The following C6orf141 variants were observed in gnomAD, a reference collection of about 807,000 sequenced individuals.
C6orf141 encodes the protein chromosome 6 open reading frame 141.
For missense variants in C6orf141, 361 were observed against 335.8 expected, an observed-to-expected ratio of 1.07 and a Z score of -0.59; for synonymous variants, 164 against 140.5, an observed-to-expected ratio of 1.17 and a Z score of -1.18.
chr6:49,557,894 T>G (rs1339612748), intron 4 of C6orf141, among the ~76,000 whole-genome samples: 2 of 152,060 alleles, frequency 1.3e-5, no homozygotes, highest in Non-Finnish European at 2.9e-5. Context: ...GTTTTTGTTT[T>G]TTGTTTGTTT....
At chr6:49,553,344 T>C (rs796790357), downstream of C6orf141, 126 of 152,370 alleles carry the variant, frequency 8.3e-4, no homozygotes, top group African/African-American at 2.9e-3. Flanking sequence ...CTTAGGCCTG[T>C]GAGACCCTCA....
chr6:49,558,177 A>G (rs1193257775), intron 4 of C6orf141, among the ~76,000 whole-genome samples: 1 of 150,886 alleles, frequency 6.6e-6, no homozygotes, highest in Non-Finnish European at 1.5e-5. Flanking sequence ...TGCTCGGATA[A>G]CAGGTGTGAG....
At chr6:49,556,976 A>G (rs2127299651), downstream of C6orf141, among the ~76,000 whole-genome samples, 1 of 152,292 alleles carries the variant, frequency 6.6e-6, no homozygotes, top group African/African-American at 2.4e-5. Flanking sequence ...ACAAGAGGCC[A>G]AGCACGGTGG....
intron 4 of C6orf141, among the ~76,000 whole-genome samples, chr6:49,559,296 AT>A (rs922915208): frequency 6.7e-6 from 1 of 148,192 alleles, no homozygotes; most frequent in African/African-American, 2.5e-5. Context: ...AAACCCAGTC[AT>A]AAAATTCTGG....
chr6:49,554,111 A>G (rs886281393), downstream of C6orf141, among the ~76,000 whole-genome samples: 2 of 152,170 alleles, frequency 1.3e-5, no homozygotes, highest in Admixed American at 6.5e-5. Flanking sequence ...CATCTTCTGT[A>G]GGGACTCATG....
chr6:49,555,513 C>CTT (rs55766532), downstream of C6orf141, among the ~76,000 whole-genome samples: 897 of 132,590 alleles, frequency 6.8e-3, 38 homozygotes, highest in African/African-American at 0.022. Context: ...CCAGGCTAGT[C>CTT]TTTTTTTTTT....
At chr6:49,557,330 A>C (rs1054227714) in intron 4 of C6orf141, among the ~76,000 whole-genome samples, 1 of 152,134 alleles carries the variant, frequency 6.6e-6, no homozygotes, top group African/African-American at 2.4e-5. Context: ...AAATAGAACA[A>C]ACAGAGGCTG....
chr6:49,551,724 G>C lies in C6orf141; in HGVS notation c.*197G>C. ...GTGGCTTGAATTCCTTCGCTGTCTG[G>C]GGACCTAAGTCATTCAGAAGAGGTG... On this transcript the variant is annotated 3_prime_UTR_variant, in exon 1 of 1. Transcript: ENST00000529246. The C allele has an allele frequency of 4.9e-6, 7 of 1,428,846 alleles. No individual in the cohort carries two copies. Among genetic ancestry groups the C allele is most frequent in the Non-Finnish European group, 6.4e-6 (7 of 1,090,890 alleles). 88.5% of individuals were successfully genotyped at this position (1,428,846 alleles called of 1,614,324 possible).
chr6:49,558,044 G>A (rs1237093314), intron 4 of C6orf141, among the ~76,000 whole-genome samples: 3 of 140,788 alleles, frequency 2.1e-5, no homozygotes, highest in East Asian at 2.1e-4. Context: ...AGTGCATGCC[G>A]TTACACTCAA....
chr6:49,556,082 G>A (rs1771880154), downstream of C6orf141, among the ~76,000 whole-genome samples: 1 of 152,118 alleles, frequency 6.6e-6, no homozygotes, highest in Non-Finnish European at 1.5e-5. Flanking sequence ...TCTGTGAAAC[G>A]GCAGCGTGGG....
downstream of C6orf141, among the ~76,000 whole-genome samples, chr6:49,554,515 G>A (rs1480857273): frequency 1.3e-5 from 2 of 150,870 alleles, no homozygotes; most frequent in African/African-American, 4.9e-5. Context: ...TGAGTAGCTG[G>A]GACTACATGC....
At chr6:49,557,904 T>G (rs1772289182) in intron 4 of C6orf141, among the ~76,000 whole-genome samples, 1 of 152,136 alleles carries the variant, frequency 6.6e-6, no homozygotes, top group African/African-American at 2.4e-5. Flanking sequence ...TTTGTTTGTT[T>G]GTTTTTTGAG....
At chr6:49,552,782 A>G (rs1770933219), downstream of C6orf141, among the ~76,000 whole-genome samples, 1 of 152,248 alleles carries the variant, frequency 6.6e-6, no homozygotes, top group Non-Finnish European at 1.5e-5. Flanking sequence ...TCTAAGTCAC[A>G]CAGCTAGTAA....
In C6orf141 at chr6:49,550,736, C is replaced by A; in HGVS notation, c.-57C>A. On this transcript the variant is annotated 5_prime_UTR_variant, in exon 1 of 1. Coordinates refer to ENST00000529246, the MANE Select transcript of C6orf141 (RefSeq NM_001145652.2). ...GGCCACACCCAGGGCTTGGTGGTCC[C>A]GCGCTTTCCGGAGCTCAGCAGGCGC... 7.2e-7 allele frequency: 1 copy of A among 1,398,342 alleles called. No individual in the cohort carries two copies. Among genetic ancestry groups the A allele is most frequent in the South Asian group, 1.6e-5 (1 of 61,590 alleles). The allele number at this position is 1,398,342 out of a possible 1,614,324, so 86.6% of individuals were successfully genotyped here.
chr6:49,551,530 A>G lies in C6orf141; in HGVS notation c.*3A>G. ...GGCTCGAGGAAATTAAACTCTAATG[A>G]GTAGCTCGAGAAATGTTCCGGGATG... On this transcript the variant is annotated 3_prime_UTR_variant, in exon 1 of 1. Transcript: ENST00000529246. 6.5e-7 allele frequency: 1 copy of G among 1,549,548 alleles called. No individual in the cohort carries two copies. The highest frequency in any genetic ancestry group is 8.7e-7 in the Non-Finnish European group (1 of 1,146,738).
intron 4 of C6orf141, among the ~76,000 whole-genome samples, chr6:49,558,419 AAG>A (rs972572155): frequency 1.4e-5 from 2 of 145,232 alleles, no homozygotes; most frequent in African/African-American, 2.6e-5. Context: ...AAAAAAAAAA[AAG>A]AGAGAGAGAG....
downstream of C6orf141, among the ~76,000 whole-genome samples, chr6:49,555,492 TGCTATGTTGCCCAG>T (rs1771691491): frequency 6.7e-6 from 1 of 149,648 alleles, no homozygotes; most frequent in Non-Finnish European, 1.5e-5. Context: ...GACAGCACCT[TGCTATGTTGCCCAG>T]GCTAGTCTTT....
Position 49,550,685 on chromosome 6 carries a change from G to T in C6orf141, c.-108G>T. 1.3e-5 allele frequency: 13 copies of T among 1,015,676 alleles called. No homozygotes were observed. Among genetic ancestry groups the T allele is most frequent in the South Asian group, 4.1e-5 (2 of 49,272 alleles). The allele number at this position is 1,015,676 out of a possible 1,614,324, so 62.9% of individuals were successfully genotyped here. The stretch of plus-strand genomic sequence containing the variant: ...GCTGATCTAGTCTTCAGCTTTCACC[G>T]GCTGGGAGTCCGGAGCTGCAGCAGA... On this transcript the variant is annotated 5_prime_UTR_variant, in exon 1 of 1. Transcript: ENST00000529246.
In C6orf141 at chr6:49,550,707, C is replaced by T; in HGVS notation, c.-86C>T. 1 of 1,197,352 alleles carries T rather than the reference C, an allele frequency of 8.4e-7. No individual in the cohort carries two copies. Among genetic ancestry groups the T allele is most frequent in the Non-Finnish European group, 1.1e-6 (1 of 887,102 alleles). 74.2% of individuals were successfully genotyped at this position (1,197,352 alleles called of 1,614,324 possible). On this transcript the variant is annotated 5_prime_UTR_variant, in exon 1 of 1. Transcript: ENST00000529246. Reference sequence around the variant, plus strand: ...ACCGGCTGGGAGTCCGGAGCTGCAGCAGAGGCCACACCCAGGGCTTGGTGG... The same window carrying T: ...ACCGGCTGGGAGTCCGGAGCTGCAGTAGAGGCCACACCCAGGGCTTGGTGG...
Sources: gnomAD v4.1 joint callset for allele counts (sites outside exome capture counted in the v4.1 genomes callset) on GRCh38, gnomAD v4.1.1 for gene constraint, MANE v1.5 for transcripts, NCBI Gene and HGNC (gene_info 2026-07-23, HGNC 2026-07-21) for gene names.